TNFSF4: variants seen among roughly 807,000 people sequenced by gnomAD.
TNFSF4 encodes the protein TNF superfamily member 4.
TNFSF4 carries 4 observed loss-of-function variants against 7.3 expected under a neutral mutation model. The ratio of observed to expected loss-of-function variants is 0.55; its 90% CI spans 0.27 to 1.25. The LOEUF (loss-of-function observed/expected upper bound fraction) is 1.25. TNFSF4 is among the 50% of genes most tolerant of loss of function. The pLI is 0.12. For synonymous variants in TNFSF4, 76 were observed against 83.7 expected, an observed-to-expected ratio of 0.91 and a Z score of 0.50; for missense variants, 181 against 208.8, an observed-to-expected ratio of 0.87 and a Z score of 0.82.
the TNFSF4 span, among the ~76,000 whole-genome samples, chr1:173,367,983 C>G: frequency 2.0e-5 from 3 of 152,070 alleles, no homozygotes; most frequent in African/African-American, 4.8e-5. Context: ...TAAAATGGAC[C>G]AATCAGCACT....
At chr1:173,432,764 T>C in the TNFSF4 span, among the ~76,000 whole-genome samples, 1,457 of 152,316 alleles carry the variant, frequency 9.6e-3, 23 homozygotes, top group African/African-American at 0.034. Context: ...AAACCAGTTT[T>C]AGGTGTTTTA....
At chr1:173,418,149 C>T in the TNFSF4 span, 3 of 152,284 alleles carry the variant, frequency 2.0e-5, no homozygotes, top group East Asian at 1.9e-4. Context: ...TGCTGAAGCA[C>T]GCAGGGGCCC....
the TNFSF4 span, among the ~76,000 whole-genome samples, chr1:173,368,701 GACA>G: frequency 6.6e-5 from 10 of 151,982 alleles, no homozygotes; most frequent in Admixed American, 6.6e-4. Flanking sequence ...TCGGGGTCCC[GACA>G]ACAAGTTGGT....
At chr1:173,393,263 CAT>C in the TNFSF4 span, among the ~76,000 whole-genome samples, 1 of 152,226 alleles carries the variant, frequency 6.6e-6, no homozygotes, top group Admixed American at 6.5e-5. Context: ...ACCTACTTCA[CAT>C]GTCCTTGCTT....
the TNFSF4 span, among the ~76,000 whole-genome samples, chr1:173,279,940 A>G: frequency 6.6e-6 from 1 of 152,072 alleles, no homozygotes; most frequent in African/African-American, 2.4e-5. Flanking sequence ...AATGTTTTCC[A>G]TTGTCTGTGA....
the TNFSF4 span, chr1:173,174,418 C>T: frequency 6.6e-6 from 1 of 152,158 alleles, no homozygotes; most frequent in Admixed American, 6.5e-5. Flanking sequence ...CTCTGTGGTA[C>T]CAGTTTACTG....
chr1:173,358,217 A>G, the TNFSF4 span, among the ~76,000 whole-genome samples: 4 of 152,316 alleles, frequency 2.6e-5, no homozygotes, highest in African/African-American at 9.6e-5. Context: ...CTAGAAAAAC[A>G]CAAGGAAATA....
At chr1:173,373,167 AC>A in the TNFSF4 span, among the ~76,000 whole-genome samples, 240 of 152,292 alleles carry the variant, frequency 1.6e-3, no homozygotes, top group Non-Finnish European at 2.9e-3. Flanking sequence ...CTCTGGGGGA[AC>A]CCCCAATAAA....
chr1:173,415,956 A>C, the TNFSF4 span, among the ~76,000 whole-genome samples: 6 of 152,200 alleles, frequency 3.9e-5, no homozygotes, highest in African/African-American at 1.4e-4. Context: ...GAAGAAAAGG[A>C]ATGTCATGAT....
the TNFSF4 span, among the ~76,000 whole-genome samples, chr1:173,444,256 C>T: frequency 6.6e-6 from 1 of 152,116 alleles, no homozygotes; most frequent in East Asian, 1.9e-4. Context: ...CCAAACCAAC[C>T]AAGCAGCCTG....
chr1:173,394,919 G>GATAGATAGAT, the TNFSF4 span, among the ~76,000 whole-genome samples: 305 of 150,124 alleles, frequency 2.0e-3, no homozygotes, highest in African/African-American at 6.9e-3. Context: ...TAGATAGATA[G>GATAGATAGAT]AGATAGATAG....
At chr1:173,384,792 ACAAT>A in the TNFSF4 span, among the ~76,000 whole-genome samples, 1 of 152,262 alleles carries the variant, frequency 6.6e-6, no homozygotes, top group African/African-American at 2.4e-5. Flanking sequence ...ACTGCTACTA[ACAAT>A]CAATCAACTG....
Position 173,188,589 on chromosome 1 carries a change from A to G in TNFSF4, c.154-20T>C. On this transcript the variant is annotated intron_variant, in intron 1 of 2. Coordinates refer to ENST00000281834, the MANE Select transcript of TNFSF4 (RefSeq NM_003326.5). Reference sequence around the variant, plus strand: ...TGATACCTGAGGGAGGAAGAAAGACATATTCTTAGGAAAAAAACATGAACA... The same window carrying G: ...TGATACCTGAGGGAGGAAGAAAGACGTATTCTTAGGAAAAAAACATGAACA... 6.2e-7 allele frequency: 1 copy of G among 1,601,764 alleles called. No individual in the cohort carries two copies. Among genetic ancestry groups the G allele is most frequent in the East Asian group, 2.2e-5 (1 of 44,800 alleles).
chr1:173,380,481 C>G, the TNFSF4 span, among the ~76,000 whole-genome samples: 1 of 152,090 alleles, frequency 6.6e-6, no homozygotes, highest in Non-Finnish European at 1.5e-5. Context: ...CTGAGTCACC[C>G]GAACAGCTCC....
At chr1:173,207,554 A>T (rs541628435), upstream of TNFSF4, among the ~76,000 whole-genome samples, 8 of 152,122 alleles carry the variant, frequency 5.3e-5, no homozygotes, top group Non-Finnish European at 1.0e-4. Flanking sequence ...CACCAGTAAC[A>T]AATTGTGGGT....
chr1:173,375,848 C>T, the TNFSF4 span, among the ~76,000 whole-genome samples: 1 of 152,130 alleles, frequency 6.6e-6, no homozygotes, highest in Non-Finnish European at 1.5e-5. Flanking sequence ...TCACAATAAA[C>T]TTTACTACCA....
chr1:173,298,439 G>A, the TNFSF4 span, among the ~76,000 whole-genome samples: 1 of 151,952 alleles, frequency 6.6e-6, no homozygotes, highest in East Asian at 1.9e-4. Flanking sequence ...ATTTGCTTTA[G>A]TAGAGCTGGC....
chr1:173,371,545 T>C, the TNFSF4 span, among the ~76,000 whole-genome samples: 1 of 152,100 alleles, frequency 6.6e-6, no homozygotes, highest in Non-Finnish European at 1.5e-5. Context: ...CAATATCCCT[T>C]AAGACCTGAA....
At chr1:173,444,513 GT>G in the TNFSF4 span, among the ~76,000 whole-genome samples, 23,057 of 148,820 alleles carry the variant, frequency 0.15, 2,105 homozygotes, top group East Asian at 0.31. Flanking sequence ...GAAATTCTGG[GT>G]TTTTTTTTTA....
Sources: gnomAD v4.1 joint callset for allele counts (sites outside exome capture counted in the v4.1 genomes callset) on GRCh38, gnomAD v4.1.1 for gene constraint, MANE v1.5 for transcripts, NCBI Gene and HGNC (gene_info 2026-07-23, HGNC 2026-07-21) for gene names.